The following GRID2 variants were observed in gnomAD, a reference collection of about 807,000 sequenced individuals.
GRID2 encodes the protein glutamate receptor ionotropic, delta-2.
GRID2 carries 33 observed loss-of-function variants against 114.8 expected under a neutral mutation model. That is an observed-to-expected ratio of 0.29 (90% CI 0.22 to 0.38). The LOEUF (loss-of-function observed/expected upper bound fraction) is 0.38, where lower values mean the gene tolerates loss of function less well. Ranked by LOEUF, GRID2 falls within the 10% of genes least tolerant of loss-of-function variation. The probability of loss-of-function intolerance (pLI) is 1.00; values close to 1 mark genes in which losing one functional copy is unlikely to be tolerated. For missense variants in GRID2, 1,184 were observed against 1,257.7 expected (o/e 0.94, Z 0.89); for synonymous variants, 505 against 449.9 (o/e 1.12, Z -1.55).
chr4:93,172,050 T>A (rs994447486), intron 4 of GRID2, among the ~76,000 whole-genome samples: 1 of 152,208 alleles, frequency 6.6e-6, no homozygotes, highest in African/African-American at 2.4e-5. Context: ...TAACAGAAAT[T>A]TGGGGCAAAT....
chr4:93,373,450 C>T (rs1053536208), intron 8 of GRID2, among the ~76,000 whole-genome samples: 3 of 152,010 alleles, frequency 2.0e-5, no homozygotes, highest in African/African-American at 7.2e-5. Flanking sequence ...AATATGTATA[C>T]TGTGGTCTTA....
chr4:92,881,198 C>T (rs902100983), intron 2 of GRID2, among the ~76,000 whole-genome samples: 5 of 152,118 alleles, frequency 3.3e-5, no homozygotes, highest in East Asian at 3.9e-4. Flanking sequence ...CCACCCAGCT[C>T]GGCCTCTTTT....
At chr4:92,481,123 G>A (rs1295565327) in intron 1 of GRID2, among the ~76,000 whole-genome samples, 1 of 152,104 alleles carries the variant, frequency 6.6e-6, no homozygotes, top group Non-Finnish European at 1.5e-5. Context: ...AACATGGTAA[G>A]CCAGAATTAA....
intron 10 of GRID2, among the ~76,000 whole-genome samples, chr4:93,453,316 A>AAGAGAGAGAGAGAGAGAGAGAGAG (rs3044025): frequency 7.9e-6 from 1 of 127,210 alleles, no homozygotes; most frequent in East Asian, 3.0e-4. Context: ...AGAGATGGGA[A>AAGAGAGAGAGAGAGAGAGAGAGAG]AGAGAGAGAG....
intron 2 of GRID2, among the ~76,000 whole-genome samples, chr4:92,609,566 AG>A (rs1290256125): frequency 1.3e-5 from 2 of 151,236 alleles, no homozygotes; most frequent in Admixed American, 6.6e-5. Context: ...AAAGGGCAAA[AG>A]TGATGTGGCT....
intron 2 of GRID2, among the ~76,000 whole-genome samples, chr4:92,906,150 T>C (rs1372816801): frequency 1.3e-5 from 2 of 152,186 alleles, no homozygotes; most frequent in South Asian, 2.1e-4. Context: ...CTTTTGAATA[T>C]GTAAGTATTT....
At chr4:92,749,666 G>T (rs1180525783) in intron 2 of GRID2, among the ~76,000 whole-genome samples, 5 of 152,110 alleles carry the variant, frequency 3.3e-5, no homozygotes, top group African/African-American at 7.2e-5. Context: ...GAAGCTGAGG[G>T]TAAGATTAGT....
intron 2 of GRID2, among the ~76,000 whole-genome samples, chr4:92,699,124 A>G (rs1373933489): frequency 1.5e-4 from 23 of 152,168 alleles, no homozygotes; most frequent in Non-Finnish European, 1.5e-5. Flanking sequence ...AAAATGTTCT[A>G]TCTAAAAAAT....
chr4:93,213,950 G>T (rs1236274476), intron 5 of GRID2, among the ~76,000 whole-genome samples: 1 of 151,944 alleles, frequency 6.6e-6, no homozygotes, highest in Non-Finnish European at 1.5e-5. Flanking sequence ...GGGAAAAAAG[G>T]CTTCCTTAGC....
chr4:92,721,807 G>A (rs572960441), intron 2 of GRID2, among the ~76,000 whole-genome samples: 10 of 152,270 alleles, frequency 6.6e-5, no homozygotes, highest in African/African-American at 2.2e-4. Flanking sequence ...ATCAAGAGCA[G>A]AAGGCTAAAG....
intron 2 of GRID2, among the ~76,000 whole-genome samples, chr4:92,682,412 C>T (rs915406482): frequency 2.6e-5 from 4 of 152,198 alleles, no homozygotes; most frequent in South Asian, 4.2e-4. Flanking sequence ...TTGGTAAGCC[C>T]AGAGATCTGT....
intron 9 of GRID2, among the ~76,000 whole-genome samples, chr4:93,411,876 C>G (rs1481417737): frequency 1.3e-5 from 2 of 151,358 alleles, no homozygotes; most frequent in African/African-American, 4.9e-5. Flanking sequence ...TTTTATTTCT[C>G]ATTCCCTGAA....
At chr4:93,151,729 C>T (rs1736756512) in intron 4 of GRID2, among the ~76,000 whole-genome samples, 1 of 152,030 alleles carries the variant, frequency 6.6e-6, no homozygotes. Flanking sequence ...GTGAAAACCA[C>T]TTTTTTATTT....
intron 12 of GRID2, among the ~76,000 whole-genome samples, chr4:93,504,281 C>T (rs1038912405): frequency 6.6e-6 from 1 of 151,936 alleles, no homozygotes; most frequent in Admixed American, 6.6e-5. Context: ...TGTTTCAGAG[C>T]TTGTTAGTAG....
At chr4:93,351,162 A>C (rs986995145) in intron 8 of GRID2, among the ~76,000 whole-genome samples, 1 of 152,112 alleles carries the variant, frequency 6.6e-6, no homozygotes, top group African/African-American at 2.4e-5. Flanking sequence ...GGGTGGGGAC[A>C]CAGCCAAACC....
chr4:92,315,970 C>CA (rs1309698270), intron 1 of GRID2, among the ~76,000 whole-genome samples: 89 of 13,806 alleles, frequency 6.4e-3, no homozygotes, highest in East Asian at 0.017. Context: ...AACTCCAACT[C>CA]AAAAAAAAAC....
chr4:92,414,741 G>T (rs1379487799), intron 1 of GRID2, among the ~76,000 whole-genome samples: 4 of 151,958 alleles, frequency 2.6e-5, no homozygotes, highest in Non-Finnish European at 4.4e-5. Context: ...CTGCATGAAG[G>T]TTTTTTTATA....
At chr4:92,515,692 G>C (rs1380431408) in intron 1 of GRID2, among the ~76,000 whole-genome samples, 1 of 151,854 alleles carries the variant, frequency 6.6e-6, no homozygotes, top group Non-Finnish European at 1.5e-5. Flanking sequence ...AAATGGTACA[G>C]CTGCTACAAT....
rs1478859331 is a variant in GRID2 at position 92,353,327 on chromosome 4, GCTTCA to G, written c.88+48584_88+48588del. Among the ~76,000 whole-genome samples, 5 of 151,260 alleles carry G rather than the reference GCTTCA, an allele frequency of 3.3e-5. No individual in the cohort carries two copies. The East Asian group carries it at 9.7e-4, about 29-fold the overall frequency. On this transcript the variant is annotated intron_variant, in intron 1 of 15. Transcript: ENST00000282020. The stretch of plus-strand genomic sequence containing the variant: ...TTTGTCTAGTTTTTCCAGTGTTTGG[GCTTCA>G]TTAGTATGGTTTCTGTCTATTTACT...
Sources: gnomAD v4.1 joint callset for allele counts (sites outside exome capture counted in the v4.1 genomes callset) on GRCh38, gnomAD v4.1.1 for gene constraint, MANE v1.5 for transcripts, NCBI Gene and HGNC (gene_info 2026-07-23, HGNC 2026-07-21) for gene names.